The following MAGI2 variants were observed in gnomAD, a reference collection of about 807,000 sequenced individuals.
MAGI2 encodes the protein membrane-associated guanylate kinase, WW and PDZ domain-containing protein 2.
A neutral mutation model predicts 133.3 loss-of-function variants in MAGI2; 35 were observed. The observed-to-expected ratio is 0.26, with a 90% CI of 0.20 to 0.35. The LOEUF is 0.35. Among genes scored for constraint, MAGI2 ranks in the 10% least tolerant of loss-of-function variants. The pLI is 1.00. For missense variants in MAGI2, 1,636 were observed against 1,863.4 expected, an observed-to-expected ratio of 0.88 and a Z score of 2.25; for synonymous variants, 729 against 710.6, an observed-to-expected ratio of 1.03 and a Z score of -0.41.
At chr7:78,266,213 G>T (rs1033241538) in intron 9 of MAGI2, among the ~76,000 whole-genome samples, 1 of 152,132 alleles carries the variant, frequency 6.6e-6, no homozygotes, top group African/African-American at 2.4e-5. Context: ...GTGTTTTTAT[G>T]TTTATTTGAG....
intron 2 of MAGI2, among the ~76,000 whole-genome samples, chr7:78,630,695 A>G (rs1002566823): frequency 4.6e-5 from 7 of 152,066 alleles, no homozygotes; most frequent in Admixed American, 6.6e-5. Context: ...GATTACAGGC[A>G]TGAGCCACTG....
intron 2 of MAGI2, among the ~76,000 whole-genome samples, chr7:78,699,522 G>C (rs1817853239): frequency 6.6e-6 from 1 of 152,144 alleles, no homozygotes. Context: ...CCATCCTTAA[G>C]ACATCGCATT....
chr7:78,369,604 A>G (rs1438039475), intron 6 of MAGI2, among the ~76,000 whole-genome samples: 1 of 152,124 alleles, frequency 6.6e-6, no homozygotes, highest in Non-Finnish European at 1.5e-5. Flanking sequence ...TTTTCAAAAT[A>G]TATTTCTGAG....
intron 2 of MAGI2, among the ~76,000 whole-genome samples, chr7:78,914,633 A>T (rs1448480404): frequency 1.3e-5 from 2 of 152,170 alleles, no homozygotes; most frequent in African/African-American, 2.4e-5. Flanking sequence ...TCCTTAATAA[A>T]TACTATTCTT....
intron 1 of MAGI2, among the ~76,000 whole-genome samples, chr7:79,311,420 T>C (rs1838282654): frequency 6.6e-6 from 1 of 152,146 alleles, no homozygotes; most frequent in Non-Finnish European, 1.5e-5. Flanking sequence ...AAAGTCGTCC[T>C]GGGCTGCATG....
intron 3 of MAGI2, among the ~76,000 whole-genome samples, chr7:78,554,235 G>T (rs13245734): frequency 0.069 from 10,506 of 152,202 alleles, 439 homozygotes; most frequent in Middle Eastern, 0.092. Context: ...ACACAGCAAA[G>T]CTGTCTGTGA....
At chr7:78,639,863 T>C (rs1417907363) in intron 2 of MAGI2, among the ~76,000 whole-genome samples, 1 of 152,094 alleles carries the variant, frequency 6.6e-6, no homozygotes, top group Non-Finnish European at 1.5e-5. Context: ...AAGAGAAAAG[T>C]GACTTGTTCA....
intron 9 of MAGI2, among the ~76,000 whole-genome samples, chr7:78,265,684 C>T (rs2150972023): frequency 6.6e-6 from 1 of 152,266 alleles, no homozygotes; most frequent in African/African-American, 2.4e-5. Context: ...AACCCCCACT[C>T]CAAAAACCAA....
chr7:78,706,793 G>A lies in MAGI2; in HGVS notation c.419-79554C>T, dbSNP rs1818694584. ...CAGCCCTGAAACAATGCATAGGACT[G>A]TTTTTGGTTTTTGTTTTTCTCCTTT... On this transcript the variant is annotated intron_variant, in intron 2 of 21. Coordinates refer to ENST00000354212, the MANE Select transcript of MAGI2 (RefSeq NM_012301.4). Among the ~76,000 whole-genome samples the A allele has an allele frequency of 2.0e-5, 3 of 152,160 alleles. No individual in the cohort carries two copies. In the South Asian group the frequency reaches 6.2e-4, roughly 32 times the overall value.
chr7:78,935,143 A>G (rs1800420760), intron 2 of MAGI2, among the ~76,000 whole-genome samples: 1 of 152,206 alleles, frequency 6.6e-6, no homozygotes, highest in Non-Finnish European at 1.5e-5. Context: ...ATAAATACCA[A>G]AAATATTTAA....
intron 6 of MAGI2, among the ~76,000 whole-genome samples, chr7:78,375,889 A>G (rs1193627680): frequency 6.6e-6 from 1 of 152,146 alleles, no homozygotes; most frequent in Non-Finnish European, 1.5e-5. Context: ...ATATGTTTTT[A>G]GAATTAACAA....
intron 6 of MAGI2, among the ~76,000 whole-genome samples, chr7:78,488,442 A>T (rs984172953): frequency 1.3e-5 from 2 of 152,090 alleles, no homozygotes; most frequent in African/African-American, 4.8e-5. Context: ...TGTTAAATTC[A>T]CTTTAATTAG....
chr7:79,303,711 G>T (rs1446770017), intron 1 of MAGI2, among the ~76,000 whole-genome samples: 1 of 152,086 alleles, frequency 6.6e-6, no homozygotes, highest in Non-Finnish European at 1.5e-5. Flanking sequence ...TAATCTTTCT[G>T]TAAAATATTT....
At chr7:79,038,784 C>G (rs1380973453) in intron 1 of MAGI2, among the ~76,000 whole-genome samples, 1 of 152,258 alleles carries the variant, frequency 6.6e-6, no homozygotes, top group East Asian at 1.9e-4. Flanking sequence ...TGTAATGCAG[C>G]CTTGCCTGCA....
chr7:78,718,298 A>G (rs866565018), intron 2 of MAGI2, among the ~76,000 whole-genome samples: 6 of 152,142 alleles, frequency 3.9e-5, no homozygotes, highest in South Asian at 2.1e-4. Context: ...AGGAGCACAT[A>G]CCGTCCATCT....
intron 2 of MAGI2, among the ~76,000 whole-genome samples, chr7:78,977,608 G>A (rs985020840): frequency 1.1e-4 from 16 of 151,608 alleles, no homozygotes; most frequent in Admixed American, 2.0e-4. Context: ...TGAAAAACAG[G>A]AGGAAATCTA....
At chr7:79,154,914 AT>A (rs1336849320) in intron 1 of MAGI2, among the ~76,000 whole-genome samples, 1 of 152,186 alleles carries the variant, frequency 6.6e-6, no homozygotes, top group African/African-American at 2.4e-5. Context: ...TGTTTTGCCC[AT>A]TTGAATCTAT....
chr7:78,313,431 T>G lies in MAGI2; in HGVS notation c.1408+30347A>C, dbSNP rs80331245. 3.4e-3 allele frequency among the ~76,000 whole-genome samples: 520 copies of G among 152,112 alleles called. 3 individuals are homozygous for G. Among genetic ancestry groups the G allele is most frequent in the African/African-American group, 0.012 (509 of 41,540 alleles). On this transcript the variant is annotated intron_variant, in intron 9 of 21. Coordinates refer to ENST00000354212, the MANE Select transcript of MAGI2 (RefSeq NM_012301.4). ...AACAAAGCTTAATGACATAAAAAAATTCAAATTCTATCATTGTGGTTGTCA... is the reference window on the plus strand; with the variant it reads ...AACAAAGCTTAATGACATAAAAAAAGTCAAATTCTATCATTGTGGTTGTCA...
chr7:78,323,400 G>A (rs552229722), intron 9 of MAGI2, among the ~76,000 whole-genome samples: 23 of 152,256 alleles, frequency 1.5e-4, no homozygotes, highest in African/African-American at 4.8e-4. Context: ...AAAATTCTAT[G>A]TTGTCTTGAG....
Sources: gnomAD v4.1 joint callset for allele counts (sites outside exome capture counted in the v4.1 genomes callset) on GRCh38, gnomAD v4.1.1 for gene constraint, MANE v1.5 for transcripts, NCBI Gene and HGNC (gene_info 2026-07-23, HGNC 2026-07-21) for gene names.